The following MYO1D variants were observed in gnomAD, a reference collection of about 807,000 sequenced individuals.
MYO1D encodes the protein unconventional myosin-Id.
In MYO1D, 83 loss-of-function variants were observed where a neutral mutation model predicts 122.0. The observed-to-expected ratio is 0.68, with a 90% CI of 0.57 to 0.82. The LOEUF (loss-of-function observed/expected upper bound fraction) is 0.82, where lower values mean the gene tolerates loss of function less well. Ranked by LOEUF, MYO1D falls within the 40% of genes least tolerant of loss-of-function variation. The pLI is 0.00. For missense variants in MYO1D, 1,157 were observed against 1,269.5 expected, an observed-to-expected ratio of 0.91 and a Z score of 1.35; for synonymous variants, 464 against 446.9, an observed-to-expected ratio of 1.04 and a Z score of -0.48.
chr17:32,854,165 C>A (rs2091010276), intron 1 of MYO1D, among the ~76,000 whole-genome samples: 1 of 152,206 alleles, frequency 6.6e-6, no homozygotes, highest in African/African-American at 2.4e-5. Flanking sequence ...CCTTTTCACT[C>A]CACGGAAAGT....
chr17:32,578,302 C>T (rs1228672404), intron 21 of MYO1D, among the ~76,000 whole-genome samples: 1 of 152,220 alleles, frequency 6.6e-6, no homozygotes, highest in Non-Finnish European at 1.5e-5. Context: ...AGGGGCATGG[C>T]ATATCAGATT....
chr17:32,562,012 CA>C (rs1416948089), intron 21 of MYO1D, among the ~76,000 whole-genome samples: 34 of 149,168 alleles, frequency 2.3e-4, no homozygotes, highest in African/African-American at 6.5e-4. Flanking sequence ...TTTTTGGAGA[CA>C]GGGGTCTTGC....
At chr17:32,719,471 TC>T (rs2150990558) in intron 15 of MYO1D, among the ~76,000 whole-genome samples, 2 of 150,870 alleles carry the variant, frequency 1.3e-5, no homozygotes, top group South Asian at 2.1e-4. Context: ...TGCCTCAGCC[TC>T]CCCGAGTAGC....
At chr17:32,578,167 A>G (rs1367256823) in intron 21 of MYO1D, among the ~76,000 whole-genome samples, 2 of 152,246 alleles carry the variant, frequency 1.3e-5, no homozygotes, top group African/African-American at 4.8e-5. Context: ...CCTCATATAC[A>G]TAAAATAAGT....
intron 16 of MYO1D, among the ~76,000 whole-genome samples, chr17:32,669,786 G>C (rs563485471): frequency 6.6e-6 from 1 of 152,194 alleles, no homozygotes; most frequent in South Asian, 2.1e-4. Context: ...TGTGTATAAA[G>C]CTTACTTTAA....
intron 19 of MYO1D, among the ~76,000 whole-genome samples, chr17:32,640,895 T>C (rs987369203): frequency 6.6e-6 from 1 of 151,816 alleles, no homozygotes; most frequent in Non-Finnish European, 1.5e-5. Flanking sequence ...CATGAATATA[T>C]ATTTTTTCCT....
intron 1 of MYO1D, among the ~76,000 whole-genome samples, chr17:32,869,570 GA>G (rs1264629689): frequency 2.6e-5 from 4 of 152,192 alleles, no homozygotes; most frequent in Non-Finnish European, 5.9e-5. Context: ...ATCATTAAAT[GA>G]GGTCACTCCT....
chr17:32,723,241 T>C (rs2089533126), intron 14 of MYO1D, among the ~76,000 whole-genome samples: 1 of 152,110 alleles, frequency 6.6e-6, no homozygotes, highest in Non-Finnish European at 1.5e-5. Flanking sequence ...ACCCAAGTTA[T>C]ATATAAGGGC....
intron 17 of MYO1D, among the ~76,000 whole-genome samples, chr17:32,655,859 A>G (rs2088469577): frequency 6.6e-6 from 1 of 152,190 alleles, no homozygotes; most frequent in African/African-American, 2.4e-5. Context: ...CACACATGCT[A>G]GAGTAAGGTG....
At chr17:32,592,677 T>G (rs949548026) in intron 21 of MYO1D, among the ~76,000 whole-genome samples, 36 of 149,184 alleles carry the variant, frequency 2.4e-4, no homozygotes, top group Non-Finnish European at 5.1e-4. Context: ...GATGCCAGAA[T>G]AAGATGGAAC....
intron 21 of MYO1D, among the ~76,000 whole-genome samples, chr17:32,506,870 CT>C (rs775471617): frequency 4.9e-4 from 75 of 152,058 alleles, no homozygotes; most frequent in Admixed American, 1.6e-3. Context: ...AATCCCAGCA[CT>C]TTGGGAGGGT....
At chr17:32,555,628 C>T (rs2087061752) in intron 21 of MYO1D, among the ~76,000 whole-genome samples, 1 of 152,184 alleles carries the variant, frequency 6.6e-6, no homozygotes, top group Non-Finnish European at 1.5e-5. Flanking sequence ...AATCTGCCTC[C>T]TCCTTGGCTT....
intron 16 of MYO1D, among the ~76,000 whole-genome samples, chr17:32,688,643 A>G (rs2089053605): frequency 1.3e-5 from 2 of 152,196 alleles, no homozygotes; most frequent in African/African-American, 4.8e-5. Context: ...AAAACAAACA[A>G]TGTCGTGCTA....
At chr17:32,824,645 C>T (rs570187641) in intron 1 of MYO1D, among the ~76,000 whole-genome samples, 5 of 152,198 alleles carry the variant, frequency 3.3e-5, no homozygotes, top group African/African-American at 4.8e-5. Context: ...TGAGGTCCCC[C>T]GGCTTAGTAA....
intron 21 of MYO1D, among the ~76,000 whole-genome samples, chr17:32,507,862 G>C (rs894397196): frequency 6.6e-6 from 1 of 151,290 alleles, no homozygotes; most frequent in Non-Finnish European, 1.5e-5. Context: ...CCCTTGAAGA[G>C]AGCCCTCACC....
chr17:32,833,994 A>G (rs2090796056), intron 1 of MYO1D, among the ~76,000 whole-genome samples: 1 of 152,006 alleles, frequency 6.6e-6, no homozygotes, highest in South Asian at 2.1e-4. Flanking sequence ...CTTCTTTATC[A>G]TTATTTTTAG....
chr17:32,596,856 C>G (rs896054605), intron 21 of MYO1D, among the ~76,000 whole-genome samples: 1 of 152,200 alleles, frequency 6.6e-6, no homozygotes. Flanking sequence ...TTAGGGCAGC[C>G]AACGTGAGAC....
intron 20 of MYO1D, among the ~76,000 whole-genome samples, chr17:32,633,085 C>T (rs1452677902): frequency 1.3e-5 from 2 of 151,646 alleles, no homozygotes; most frequent in Non-Finnish European, 2.9e-5. Flanking sequence ...AACTGAACAA[C>T]AAAGGTAGTA....
intron 21 of MYO1D, among the ~76,000 whole-genome samples, chr17:32,584,818 A>G (rs2087372061): frequency 1.3e-5 from 2 of 152,184 alleles, no homozygotes; most frequent in Admixed American, 1.3e-4. Flanking sequence ...AGAAATACAT[A>G]TTTTAAAGGA....
Sources: allele counts gnomAD v4.1 joint callset (sites outside exome capture counted in the v4.1 genomes callset), GRCh38; gene constraint gnomAD v4.1.1; transcripts MANE v1.5; gene names NCBI Gene and HGNC (gene_info 2026-07-23, HGNC 2026-07-21).